Variants in PXYLP1 observed in about 807,000 individuals in gnomAD.
The protein encoded by PXYLP1 is acid phosphatase-like 2.
A neutral mutation model predicts 37.9 loss-of-function variants in PXYLP1; 17 were observed. That is an observed-to-expected ratio of 0.45 (90% confidence interval 0.31 to 0.67). The LOEUF is 0.67. Ranked by LOEUF, PXYLP1 falls within the 30% of genes least tolerant of loss-of-function variation. The pLI is 0.07. For missense variants in PXYLP1, 511 were observed against 612.0 expected (o/e 0.84, Z 1.74); for synonymous variants, 221 against 232.2 (o/e 0.95, Z 0.44).
intron 1 of PXYLP1, among the ~76,000 whole-genome samples, chr3:141,248,904 G>A (rs1284626664): frequency 6.6e-6 from 1 of 151,276 alleles, no homozygotes; most frequent in Non-Finnish European, 1.5e-5. Context: ...GAGTGAGTGT[G>A]TGTGTGTGTG....
rs11556022 is a variant in PXYLP1, at chr3:141,278,478, C to T, written c.216C>T (p.Ser72=). The T allele has an allele frequency of 0.095, 152,887 of 1,614,110 alleles. 8,258 individuals carry two copies. The highest frequency in any genetic ancestry group is 0.17 in the African/African-American group (12,766 of 75,008). ...CTCTTTTGTACTGCAACATCCCCAGCGTGGCCGAGCGCAGCATGGAAGGTA... is the reference window on the plus strand; with the variant it reads ...CTCTTTTGTACTGCAACATCCCCAGTGTGGCCGAGCGCAGCATGGAAGGTA... ...YEALLYCNIP[S]VAERSMEGHA... Residue 72 remains serine, a synonymous_variant, in exon 3 of 6, where the codon AGC becomes AGT. Coordinates refer to ENST00000286353, the MANE Select transcript of PXYLP1 (RefSeq NM_001037172.3).
intron 4 of PXYLP1, among the ~76,000 whole-genome samples, chr3:141,283,640 A>T (rs1387700796): frequency 6.6e-6 from 1 of 152,158 alleles, no homozygotes; most frequent in Non-Finnish European, 1.5e-5. Context: ...TCATGTTATT[A>T]ATATGTAAGA....
intron 1 of PXYLP1, among the ~76,000 whole-genome samples, chr3:141,249,136 T>A (rs1469171258): frequency 6.6e-6 from 1 of 152,188 alleles, no homozygotes; most frequent in African/African-American, 2.4e-5. Flanking sequence ...CTTCTAAGGA[T>A]GTAAAGTTCA....
At chr3:141,266,803 C>A (rs1309094096) in intron 2 of PXYLP1, among the ~76,000 whole-genome samples, 1 of 152,102 alleles carries the variant, frequency 6.6e-6, no homozygotes, top group African/African-American at 2.4e-5. Context: ...TCCTGTGGCC[C>A]TGATCCCCTA....
chr3:141,232,699 T>A (rs1296556462), intron 1 of PXYLP1, among the ~76,000 whole-genome samples: 2 of 152,158 alleles, frequency 1.3e-5, no homozygotes, highest in Non-Finnish European at 2.9e-5. Context: ...AGAGAATGGA[T>A]TTGCTTAGGG....
At chr3:141,287,532 C>G in intron 5 of PXYLP1, 79 bp downstream of exon 5, 1 of 1,544,882 alleles carries the variant, frequency 6.5e-7, no homozygotes, top group Non-Finnish European at 8.7e-7. Flanking sequence ...TTCTCCTGGG[C>G]GGGGTGCTGT....
At chr3:141,245,045 CTT>C (rs10546747) in intron 1 of PXYLP1, among the ~76,000 whole-genome samples, 5 of 106,158 alleles carry the variant, frequency 4.7e-5, no homozygotes, top group Non-Finnish European at 3.7e-5. Context: ...CACTAACTCC[CTT>C]TTTTTTTTTT....
At chr3:141,234,584 CTG>C (rs1223873275) in intron 1 of PXYLP1, among the ~76,000 whole-genome samples, 1 of 152,194 alleles carries the variant, frequency 6.6e-6, no homozygotes, top group Non-Finnish European at 1.5e-5. Flanking sequence ...ATTTCTGGCA[CTG>C]TGGCTTGCAG....
intron 1 of PXYLP1, 113 bp from the exon 2 acceptor site, chr3:141,260,010 C>G: frequency 2.8e-6 from 2 of 709,014 alleles, no homozygotes; most frequent in Non-Finnish European, 4.7e-6. Context: ...GCTTCCCTGC[C>G]GGGGGACTGG....
intron 1 of PXYLP1, among the ~76,000 whole-genome samples, chr3:141,257,555 C>G (rs1366249182): frequency 6.6e-6 from 1 of 152,200 alleles, no homozygotes; most frequent in African/African-American, 2.4e-5. Context: ...CAAGTAGCCA[C>G]TGTTTCCACC....
At chr3:141,258,302 T>C (rs998218787) in intron 1 of PXYLP1, 1 of 152,362 alleles carries the variant, frequency 6.6e-6, no homozygotes, top group African/African-American at 2.4e-5. Flanking sequence ...GGAGAACATG[T>C]GTACGTGTAG....
At chr3:141,274,454 A>C in intron 2 of PXYLP1, 1 of 1,496,386 alleles carries the variant, frequency 6.7e-7, no homozygotes, top group Non-Finnish European at 8.9e-7. Context: ...CTTCCCCTCC[A>C]CACAGCCAGC....
intron 3 of PXYLP1, among the ~76,000 whole-genome samples, chr3:141,278,717 G>A (rs1486550687): frequency 6.6e-6 from 1 of 152,182 alleles, no homozygotes; most frequent in African/African-American, 2.4e-5. Flanking sequence ...TTCAGTAACT[G>A]CTCTGAACAT....
At chr3:141,265,475 C>T (rs16851264) in intron 2 of PXYLP1, among the ~76,000 whole-genome samples, 4,117 of 151,868 alleles carry the variant, frequency 0.027, 175 homozygotes, top group African/African-American at 0.086. Context: ...AACTGCCAAT[C>T]CAGAGGCTTG....
At chr3:141,233,822 A>G (rs1940592884) in intron 1 of PXYLP1, among the ~76,000 whole-genome samples, 1 of 152,140 alleles carries the variant, frequency 6.6e-6, no homozygotes, top group Non-Finnish European at 1.5e-5. Context: ...TTACTTCACT[A>G]TTGATTAGAT....
intron 2 of PXYLP1, 130 bp from the exon 3 acceptor site, chr3:141,278,212 C>A: frequency 9.5e-7 from 1 of 1,054,886 alleles, no homozygotes; most frequent in Non-Finnish European, 1.4e-6. Flanking sequence ...GACTTCTGCT[C>A]CACTGAAGTG....
intron 1 of PXYLP1, among the ~76,000 whole-genome samples, chr3:141,233,682 G>A (rs1035186597): frequency 1.3e-5 from 2 of 152,220 alleles, no homozygotes; most frequent in African/African-American, 2.4e-5. Flanking sequence ...GATGCCTTGG[G>A]AGGCTGCGTT....
At chr3:141,253,425 A>G (rs1941189850) in intron 1 of PXYLP1, among the ~76,000 whole-genome samples, 1 of 152,072 alleles carries the variant, frequency 6.6e-6, no homozygotes, top group African/African-American at 2.4e-5. Context: ...TCACAACCCA[A>G]TACCTCCCCA....
intron 2 of PXYLP1, chr3:141,274,040 G>A (rs927027423): frequency 4.1e-6 from 4 of 986,724 alleles, no homozygotes; most frequent in Admixed American, 6.0e-5. Flanking sequence ...CATCTGAGCT[G>A]CTGTCATCTG....
Sources: allele counts gnomAD v4.1 joint callset (sites outside exome capture counted in the v4.1 genomes callset), GRCh38; gene constraint gnomAD v4.1.1; transcripts MANE v1.5; gene names NCBI Gene and HGNC (gene_info 2026-07-23, HGNC 2026-07-21).